Variants in RFLNA observed in about 807,000 individuals in gnomAD.
RFLNA encodes the protein refilin A.
In RFLNA, 5 loss-of-function variants were observed where a neutral mutation model predicts 7.8. The observed-to-expected ratio is 0.64, with a 90% CI of 0.34 to 1.35. The LOEUF (loss-of-function observed/expected upper bound fraction) is 1.35, where lower values mean the gene tolerates loss of function less well. RFLNA is among the 40% of genes most tolerant of loss of function. The pLI is 0.04. For missense variants in RFLNA, 278 were observed against 305.5 expected (o/e 0.91, Z 0.67); for synonymous variants, 141 against 131.3 (o/e 1.07, Z -0.50).
intron 1 of RFLNA, among the ~76,000 whole-genome samples, chr12:124,296,139 TTCTTC>T (rs1263671980): frequency 0.043 from 63 of 1,472 alleles, 27 homozygotes; most frequent in African/African-American, 0.049. Context: ...TCTCTCTCTC[TTCTTC>T]TCTTCTCTTC....
intron 1 of RFLNA, among the ~76,000 whole-genome samples, chr12:124,311,166 G>A (rs1041295105): frequency 3.9e-5 from 6 of 152,314 alleles, no homozygotes; most frequent in African/African-American, 1.4e-4. Context: ...GCCCAGTGTG[G>A]GTTACACGCC....
Position 124,295,417 on chromosome 12 carries a change from G to A in RFLNA, c.-13G>A, listed in dbSNP as rs1056224937. The A allele has an allele frequency of 8.2e-7, 1 of 1,225,596 alleles. No homozygotes were observed. The highest frequency in any genetic ancestry group is 3.2e-5 in the East Asian group (1 of 31,554). 75.9% of individuals were successfully genotyped at this position (1,225,596 alleles called of 1,614,324 possible). On this transcript the variant is annotated 5_prime_UTR_variant, in exon 1 of 3. Coordinates refer to ENST00000546355, the MANE Select transcript of RFLNA (RefSeq NM_001365156.1). ...CGGAGGAGCGGGGGGCCCGCGCCCC[G>A]CGCCCCCCAGACATGGTGGGCCACC...
At position 124,314,831 on chromosome 12, in the gene RFLNA, A is replaced by G; in HGVS notation, c.*306A>G. 1.7e-6 allele frequency: 1 copy of G among 577,460 alleles called. No individual in the cohort carries two copies. The highest frequency in any genetic ancestry group is 3.3e-6 in the Non-Finnish European group (1 of 305,742). The allele number at this position is 577,460 out of a possible 1,614,324, so 35.8% of individuals were successfully genotyped here. On this transcript the variant is annotated 3_prime_UTR_variant, in exon 3 of 3. Coordinates refer to ENST00000546355, the MANE Select transcript of RFLNA (RefSeq NM_001365156.1). The stretch of plus-strand genomic sequence containing the variant: ...CCACCCCCAGGGTCAGGGGAAAAGA[A>G]TGGGTCCATGGAGTGCCCTTGAAGC...
At chr12:124,303,339 G>A (rs1419303299) in intron 1 of RFLNA, among the ~76,000 whole-genome samples, 1 of 152,350 alleles carries the variant, frequency 6.6e-6, no homozygotes, top group South Asian at 2.1e-4. Context: ...GGCTCCCGGG[G>A]AAGGCTCCTG....
chr12:124,290,223 T>C (rs974221690), upstream of RFLNA, among the ~76,000 whole-genome samples: 1 of 152,204 alleles, frequency 6.6e-6, no homozygotes, highest in East Asian at 1.9e-4. The surrounding 1 kb of genome is among the most constrained non-coding windows in gnomAD (Gnocchi z 4.0). Context: ...TGTGTGTGTG[T>C]ATGTGTGTAG....
Position 124,289,525 on chromosome 12 carries a change from A to G in RFLNA, c.-37+155A>G. On this transcript the variant is annotated intron_variant, in intron 1 of 2. Coordinates refer to the RFLNA transcript ENST00000324038. The surrounding 1 kb of genome is among the most constrained non-coding windows in gnomAD (Gnocchi z 5.0). ...TCCTGGACACGCACATACAAATGGC[A>G]GCAGAACGTATGCCCAGGTCAAAGG... Among the ~76,000 whole-genome samples the G allele has an allele frequency of 6.6e-6, 1 of 152,232 alleles. No individual in the cohort carries two copies. Among genetic ancestry groups the G allele is most frequent in the Non-Finnish European group, 1.5e-5 (1 of 68,042 alleles).
At chr12:124,307,737 T>C (rs549490363) in intron 1 of RFLNA, among the ~76,000 whole-genome samples, 1 of 152,232 alleles carries the variant, frequency 6.6e-6, no homozygotes, top group Admixed American at 6.5e-5. Flanking sequence ...TGTGTGATCT[T>C]CCTAGAGCCA....
intron 2 of RFLNA, among the ~76,000 whole-genome samples, 181 bp from the exon 3 acceptor site, chr12:124,314,011 T>TG (rs1476339869): frequency 6.6e-6 from 1 of 151,870 alleles, no homozygotes; most frequent in Non-Finnish European, 1.5e-5. Context: ...CTTTAGTCTC[T>TG]GTGAAGCCAA....
In RFLNA at chr12:124,314,393, G is replaced by A; in HGVS notation, c.519G>A (p.Lys173=). ...GCAGCACCACCATCATCTTCCCCAAGCATGCCAGGAGCACTTTCCGGACCA... is the reference window on the plus strand; with the variant it reads ...GCAGCACCACCATCATCTTCCCCAAACATGCCAGGAGCACTTTCCGGACCA... ...RFRSTTIIFP[K]HARSTFRTTL... Residue 173 remains lysine, a synonymous_variant, in exon 3 of 3, where the codon AAG becomes AAA. Coordinates refer to ENST00000546355, the MANE Select transcript of RFLNA (RefSeq NM_001365156.1). 6.2e-7 allele frequency: 1 copy of A among 1,611,000 alleles called. No individual in the cohort carries two copies. The highest frequency in any genetic ancestry group is 2.2e-5 in the East Asian group (1 of 44,886).
chr12:124,291,806 G>C (rs1159789300), upstream of RFLNA, among the ~76,000 whole-genome samples: 1 of 151,890 alleles, frequency 6.6e-6, no homozygotes, highest in African/African-American at 2.4e-5. Context: ...AAATCCCCCT[G>C]ATATGGGGAG....
At chr12:124,291,446 G>A (rs181950491), upstream of RFLNA, among the ~76,000 whole-genome samples, 198 of 152,132 alleles carry the variant, frequency 1.3e-3, no homozygotes, top group Non-Finnish European at 2.5e-3. Flanking sequence ...TAGTAGAGAC[G>A]GGGTTTCACC....
At chr12:124,296,696 T>A (rs1054122643) in intron 1 of RFLNA, among the ~76,000 whole-genome samples, 3 of 152,216 alleles carry the variant, frequency 2.0e-5, no homozygotes, top group African/African-American at 7.2e-5. Context: ...CCTTCATTCG[T>A]GCCTTGCTTG....
At chr12:124,304,695 G>A (rs941694467) in intron 1 of RFLNA, among the ~76,000 whole-genome samples, 1 of 152,240 alleles carries the variant, frequency 6.6e-6, no homozygotes, top group Non-Finnish European at 1.5e-5. Context: ...CAGCGCGTGG[G>A]TGGGTAACGG....
intron 1 of RFLNA, among the ~76,000 whole-genome samples, chr12:124,301,617 A>T (rs2034040254): frequency 6.6e-6 from 1 of 152,106 alleles, no homozygotes. Flanking sequence ...CGGCCTTTAT[A>T]AGGGCAGGGT....
In RFLNA at chr12:124,314,585, G is replaced by A. The variant is rs2034316869; in HGVS notation, c.*60G>A. 4 of 1,535,776 alleles carry A rather than the reference G, an allele frequency of 2.6e-6. No homozygotes were observed. The highest frequency in any genetic ancestry group is 2.6e-6 in the Non-Finnish European group (3 of 1,146,402). ...CGGGAGCCCTGGGGAGAAGCCGGGA[G>A]GATGGACACGATGAGCTCGGCCTGG... On this transcript the variant is annotated 3_prime_UTR_variant, in exon 3 of 3. Coordinates refer to ENST00000546355, the MANE Select transcript of RFLNA (RefSeq NM_001365156.1).
At chr12:124,300,464 C>G (rs148740011) in intron 1 of RFLNA, among the ~76,000 whole-genome samples, 1 of 152,334 alleles carries the variant, frequency 6.6e-6, no homozygotes, top group East Asian at 1.9e-4. Flanking sequence ...CCTTGGGACT[C>G]TTGGATTTTC....
chr12:124,300,590 AGATG>A (rs373827351), intron 1 of RFLNA, among the ~76,000 whole-genome samples: 28 of 147,770 alleles, frequency 1.9e-4, no homozygotes, highest in East Asian at 4.1e-4. Context: ...ATGGATAGAT[AGATG>A]GATGGATGGA....
upstream of RFLNA, among the ~76,000 whole-genome samples, chr12:124,293,689 G>A (rs1327079714): frequency 6.6e-6 from 1 of 152,194 alleles, no homozygotes; most frequent in East Asian, 1.9e-4. Context: ...GGGCGACATG[G>A]AAATGGGCTG....
At chr12:124,298,682 A>G (rs547450494) in intron 1 of RFLNA, among the ~76,000 whole-genome samples, 32 of 152,354 alleles carry the variant, frequency 2.1e-4, no homozygotes, top group African/African-American at 7.2e-4. Context: ...CCACCAGCTG[A>G]ACTATGTGTG....
Sources: allele counts gnomAD v4.1 joint callset (sites outside exome capture counted in the v4.1 genomes callset), GRCh38; gene constraint gnomAD v4.1.1; non-coding constraint Gnocchi (gnomAD v3.1); transcripts MANE v1.5; gene names NCBI Gene and HGNC (gene_info 2026-07-23, HGNC 2026-07-21).